The following FBXL17 variants were observed in gnomAD, a reference collection of about 807,000 sequenced individuals.
FBXL17 encodes the protein F-box/LRR-repeat protein 17.
Under a neutral mutation model 66.2 loss-of-function variants are expected in FBXL17, and 22 were observed. That is an observed-to-expected ratio of 0.33 (90% CI 0.24 to 0.47). FBXL17 has a LOEUF of 0.47. Among genes scored for constraint, FBXL17 ranks in the 20% least tolerant of loss-of-function variants. The pLI is 1.00. For synonymous variants in FBXL17, 474 were observed against 400.5 expected, an observed-to-expected ratio of 1.18 and a Z score of -2.19; for missense variants, 878 against 948.2, an observed-to-expected ratio of 0.93 and a Z score of 0.97.
chr5:108,122,324 A>G (rs1750536180), intron 6 of FBXL17, among the ~76,000 whole-genome samples: 1 of 152,210 alleles, frequency 6.6e-6, no homozygotes, highest in Admixed American at 6.5e-5. Context: ...TACATAACAA[A>G]GCCAGGATTC....
chr5:108,268,785 CA>C (rs1339617543), intron 4 of FBXL17, among the ~76,000 whole-genome samples: 1 of 151,974 alleles, frequency 6.6e-6, no homozygotes, highest in Non-Finnish European at 1.5e-5. Context: ...ATGTATTCTT[CA>C]GGGGAGGTAG....
intron 6 of FBXL17, among the ~76,000 whole-genome samples, chr5:108,077,345 G>A (rs1389923741): frequency 1.3e-5 from 2 of 152,116 alleles, no homozygotes; most frequent in Admixed American, 6.5e-5. Context: ...GAAATGGGGG[G>A]CTGGAGGAAA....
At chr5:107,941,463 G>C (rs549778172) in intron 7 of FBXL17, among the ~76,000 whole-genome samples, 27 of 152,284 alleles carry the variant, frequency 1.8e-4, no homozygotes, top group South Asian at 1.2e-3. Flanking sequence ...CCAACCCTCG[G>C]GTAGAATGAC....
Position 108,234,190 on chromosome 5 carries a change from T to C in FBXL17, c.1507-9962A>G, listed in dbSNP as rs1042829237. ...CATGATTTGGGACTGTGGATTACTC[T>C]ACTTATAAACTTGGAGATTCAGTCT... On this transcript the variant is annotated intron_variant, in intron 4 of 8. Transcript: ENST00000542267. Among the ~76,000 whole-genome samples the C allele has an allele frequency of 7.2e-5, 11 of 152,284 alleles. No homozygotes were observed. In the South Asian group the frequency reaches 1.9e-3, roughly 26 times the overall value.
intron 6 of FBXL17, among the ~76,000 whole-genome samples, chr5:108,143,068 C>A (rs1241905657): frequency 6.6e-6 from 1 of 151,362 alleles, no homozygotes; most frequent in African/African-American, 2.4e-5. Flanking sequence ...GGTTGCATGC[C>A]CCTTATAAGA....
At chr5:107,941,890 C>T (rs990766465) in intron 7 of FBXL17, among the ~76,000 whole-genome samples, 4 of 152,170 alleles carry the variant, frequency 2.6e-5, no homozygotes, top group Non-Finnish European at 5.9e-5. Context: ...TGACAGAATT[C>T]GTAGGCTTCC....
intron 7 of FBXL17, among the ~76,000 whole-genome samples, chr5:107,911,650 CA>C (rs1749950628): frequency 6.6e-6 from 1 of 151,988 alleles, no homozygotes; most frequent in Non-Finnish European, 1.5e-5. Context: ...AGTTGGAATT[CA>C]AATCTCAACT....
chr5:107,883,172 T>G (rs1483231406), intron 7 of FBXL17, among the ~76,000 whole-genome samples: 1 of 152,202 alleles, frequency 6.6e-6, no homozygotes. Flanking sequence ...GAATTTCAGG[T>G]GTATTGTCAG....
intron 7 of FBXL17, among the ~76,000 whole-genome samples, chr5:107,963,606 T>C (rs1752003821): frequency 1.3e-5 from 2 of 152,212 alleles, no homozygotes; most frequent in African/African-American, 4.8e-5. Flanking sequence ...AGGATAGCAC[T>C]ACTTTTTCTT....
At chr5:107,922,194 G>C (rs1380412604) in intron 7 of FBXL17, among the ~76,000 whole-genome samples, 1 of 152,210 alleles carries the variant, frequency 6.6e-6, no homozygotes, top group Non-Finnish European at 1.5e-5. Flanking sequence ...GTGGGCACTA[G>C]AGTCACTAAT....
intron 5 of FBXL17, among the ~76,000 whole-genome samples, chr5:108,191,841 A>G (rs1359626364): frequency 6.6e-6 from 1 of 152,222 alleles, no homozygotes; most frequent in Non-Finnish European, 1.5e-5. Context: ...ATGAAGAAAC[A>G]GGTTTACTTG....
chr5:107,893,508 T>C (rs1749269975), intron 7 of FBXL17, among the ~76,000 whole-genome samples: 1 of 152,218 alleles, frequency 6.6e-6, no homozygotes, highest in South Asian at 2.1e-4. Flanking sequence ...AAAAACAAGA[T>C]ACTGTTGTAT....
At chr5:108,330,896 A>G (rs1580830117) in intron 4 of FBXL17, among the ~76,000 whole-genome samples, 1 of 151,786 alleles carries the variant, frequency 6.6e-6, no homozygotes, top group African/African-American at 2.4e-5. Context: ...CTAAAAATAC[A>G]AAAAAAATTA....
chr5:108,203,906 T>A (rs1754002435), intron 5 of FBXL17, among the ~76,000 whole-genome samples: 1 of 152,156 alleles, frequency 6.6e-6, no homozygotes, highest in African/African-American at 2.4e-5. Context: ...CAATTTTGTT[T>A]TCCTTTAAAA....
chr5:108,201,524 A>C (rs941992863), intron 5 of FBXL17, among the ~76,000 whole-genome samples: 34 of 152,146 alleles, frequency 2.2e-4, no homozygotes, highest in African/African-American at 7.2e-4. Flanking sequence ...GTTTTTAATA[A>C]ATGTTTTAAA....
chr5:108,326,853 T>C lies in FBXL17; in HGVS notation c.1506+21546A>G, dbSNP rs184809898. ...TAGCGACATAGTAGTCCAAATGGAG[T>C]TCTCAAACATTGCTAGCAGGAGTAA... On this transcript the variant is annotated intron_variant, in intron 4 of 8. Coordinates refer to ENST00000542267, the MANE Select transcript of FBXL17 (RefSeq NM_001163315.3). Among the ~76,000 whole-genome samples the C allele has an allele frequency of 2.6e-3, 402 of 151,712 alleles. 3 individuals are homozygous for C. Among genetic ancestry groups the C allele is most frequent in the African/African-American group, 9.3e-3 (385 of 41,346 alleles).
At chr5:108,234,678 G>C (rs1755517986) in intron 4 of FBXL17, among the ~76,000 whole-genome samples, 1 of 152,206 alleles carries the variant, frequency 6.6e-6, no homozygotes, top group Non-Finnish European at 1.5e-5. Context: ...CCTGCAGATA[G>C]AATCGGTGTG....
chr5:107,933,286 T>C (rs1750793293), intron 7 of FBXL17, among the ~76,000 whole-genome samples: 1 of 152,174 alleles, frequency 6.6e-6, no homozygotes, highest in African/African-American at 2.4e-5. Flanking sequence ...TCTATCCAGT[T>C]TCACAGGTCT....
At position 107,972,362 on chromosome 5, in the gene FBXL17, C is replaced by T. The variant is rs58292395; in HGVS notation, c.1822+48563G>A. Among the ~76,000 whole-genome samples, 393 of 152,294 alleles carry T rather than the reference C, an allele frequency of 2.6e-3. 2 individuals are homozygous for T. Among genetic ancestry groups the T allele is most frequent in the African/African-American group, 9.0e-3 (374 of 41,578 alleles). On this transcript the variant is annotated intron_variant, in intron 7 of 8. Transcript: ENST00000542267. ...CTCATATTTTATAACAAGGGTAGAA[C>T]TGTTAGATTTCCTCAAGAGGTTGTC...
Sources: gnomAD v4.1 joint callset for allele counts (sites outside exome capture counted in the v4.1 genomes callset) on GRCh38, gnomAD v4.1.1 for gene constraint, MANE v1.5 for transcripts, NCBI Gene and HGNC (gene_info 2026-07-23, HGNC 2026-07-21) for gene names.